DNAJC12: variants seen among roughly 807,000 people sequenced by gnomAD.
DNAJC12 encodes the protein dnaJ homolog subfamily C member 12.
Under a neutral mutation model 28.5 loss-of-function variants are expected in DNAJC12, and 25 were observed. The observed-to-expected ratio is 0.88, with a 90% CI of 0.64 to 1.22. The LOEUF is 1.22. Among genes scored for constraint, DNAJC12 ranks in the 50% most tolerant of loss-of-function variants. The probability of loss-of-function intolerance (pLI) is 0.00; values close to 1 mark genes in which losing one functional copy is unlikely to be tolerated. For missense variants in DNAJC12, 222 were observed against 231.7 expected, an observed-to-expected ratio of 0.96 and a Z score of 0.27; for synonymous variants, 77 against 80.6, an observed-to-expected ratio of 0.95 and a Z score of 0.24.
chr10:67,823,231 G>T, intron 2 of DNAJC12, 83 bp downstream of exon 2: 2 of 1,141,614 alleles, frequency 1.8e-6, no homozygotes, highest in South Asian at 1.3e-5. Context: ...AGAGAAAATT[G>T]AGAAAATTAA....
intron 4 of DNAJC12, among the ~76,000 whole-genome samples, chr10:67,798,843 A>G (rs527522951): frequency 2.8e-4 from 41 of 145,358 alleles, no homozygotes; most frequent in Middle Eastern, 3.6e-3. Flanking sequence ...TCAGCTCACC[A>G]CAACCTCCGC....
chr10:67,822,168 A>G lies in DNAJC12; in HGVS notation c.157+1146T>C, dbSNP rs750637342. On this transcript the variant is annotated intron_variant, in intron 2 of 4. Transcript: ENST00000225171. ...TCAGGAGAAAATGGGGAGTGGGCTC[A>G]GAAGAGAGCTTAGGAGGGAACCTTG... is the stretch of plus-strand genomic sequence containing the variant. Among the ~76,000 whole-genome samples, 244 of 152,304 alleles carry G rather than the reference A, an allele frequency of 1.6e-3. 1 individual carries two copies. The highest frequency in any genetic ancestry group is 1.4e-3 in the Non-Finnish European group (98 of 68,022).
chr10:67,816,049 G>A, intron 2 of DNAJC12: 1 of 398,426 alleles, frequency 2.5e-6, no homozygotes, highest in Non-Finnish European at 4.4e-6. Flanking sequence ...CCAGTTCTGG[G>A]AAGAGAGATC....
chr10:67,822,173 A>G (rs1841987550), intron 2 of DNAJC12, among the ~76,000 whole-genome samples: 1 of 152,154 alleles, frequency 6.6e-6, no homozygotes, highest in Admixed American at 6.6e-5. Flanking sequence ...GGCTCAGAAG[A>G]GAGCTTAGGA....
chr10:67,814,388 G>C (rs1841893135), intron 2 of DNAJC12, among the ~76,000 whole-genome samples: 1 of 151,760 alleles, frequency 6.6e-6, no homozygotes, highest in Non-Finnish European at 1.5e-5. Context: ...CAAATGTAAG[G>C]GTTAAAACCA....
chr10:67,808,614 C>CAT (rs1273055209), intron 3 of DNAJC12: 1 of 152,076 alleles, frequency 6.6e-6, no homozygotes. Context: ...AAAACACACA[C>CAT]ACACACACAC....
rs999621004 is a variant in DNAJC12, at chr10:67,796,903, T to A, written c.*213A>T. Reference sequence around the variant, plus strand: ...CAATCTACTCTGTATCTAAGAGCTTTAATTTATTCAAATATTGGAAGAAAT... The same window carrying A: ...CAATCTACTCTGTATCTAAGAGCTTAAATTTATTCAAATATTGGAAGAAAT... On this transcript the variant is annotated 3_prime_UTR_variant, in exon 5 of 5. Transcript: ENST00000225171. 2.2e-6 allele frequency: 1 copy of A among 460,038 alleles called. No homozygotes were observed. The highest frequency in any genetic ancestry group is 2.0e-5 in the African/African-American group (1 of 50,536). The allele number at this position is 460,038 out of a possible 1,614,324, so 28.5% of individuals were successfully genotyped here.
intron 2 of DNAJC12, among the ~76,000 whole-genome samples, chr10:67,822,990 C>CA (rs879373111): frequency 1.6e-3 from 210 of 129,958 alleles, no homozygotes; most frequent in Middle Eastern, 3.8e-3. Context: ...GACTCTGTCT[C>CA]AAAAAAAAAA....
intron 2 of DNAJC12, among the ~76,000 whole-genome samples, chr10:67,820,187 A>G (rs1328484373): frequency 6.6e-6 from 1 of 152,202 alleles, no homozygotes; most frequent in Non-Finnish European, 1.5e-5. Context: ...GAATGAACTA[A>G]TGTAATTCTG....
Position 67,822,754 on chromosome 10 carries a change from G to A in DNAJC12, c.157+560C>T, listed in dbSNP as rs142176566. On this transcript the variant is annotated intron_variant, in intron 2 of 4. Transcript: ENST00000225171. ...CCTATAATCCCAGCACTGGGAGGCC[G>A]AGGTGGGGGATCACTTGGAGGTCAG... Among the ~76,000 whole-genome samples the A allele has an allele frequency of 2.4e-3, 371 of 152,186 alleles. 1 individual carries two copies. Among genetic ancestry groups the A allele is most frequent in the African/African-American group, 8.5e-3 (354 of 41,524 alleles).
At chr10:67,819,071 C>T (rs1281428491) in intron 2 of DNAJC12, among the ~76,000 whole-genome samples, 2 of 152,168 alleles carry the variant, frequency 1.3e-5, no homozygotes, top group Admixed American at 1.3e-4. Flanking sequence ...CGGTGGCTCA[C>T]GCCTGTAATC....
chr10:67,811,371 T>C lies in DNAJC12; in HGVS notation c.297+153A>G, dbSNP rs1841856171. 5.4e-6 allele frequency: 8 copies of C among 1,487,004 alleles called. No homozygotes were observed. The South Asian group carries it at 1.0e-4, about 19-fold the overall frequency. 92.1% of individuals were successfully genotyped at this position (1,487,004 alleles called of 1,614,324 possible). On this transcript the variant is annotated intron_variant, in intron 3 of 4. Coordinates refer to ENST00000225171, the MANE Select transcript of DNAJC12 (RefSeq NM_021800.3). ...CTTTATTCTGATGAGCTTCTCTTCA[T>C]GGGATTTACGGACACTGAATTATAT...
chr10:67,829,161 A>C (rs1301436117), intron 1 of DNAJC12, among the ~76,000 whole-genome samples: 1 of 152,142 alleles, frequency 6.6e-6, no homozygotes, highest in African/African-American at 2.4e-5. Context: ...GTATGCCTAC[A>C]GCTGCAGAAA....
At chr10:67,806,331 G>A (rs1841800291) in intron 3 of DNAJC12, among the ~76,000 whole-genome samples, 1 of 152,136 alleles carries the variant, frequency 6.6e-6, no homozygotes, top group Non-Finnish European at 1.5e-5. Context: ...AAATATTCTA[G>A]CTCTCTGCCC....
intron 4 of DNAJC12, among the ~76,000 whole-genome samples, chr10:67,801,249 T>C (rs1245606572): frequency 2.6e-5 from 4 of 152,132 alleles, no homozygotes. Flanking sequence ...AAAAGTAATA[T>C]ATAAGAAGCC....
At chr10:67,807,282 A>G (rs1399699430) in intron 3 of DNAJC12, among the ~76,000 whole-genome samples, 1 of 152,106 alleles carries the variant, frequency 6.6e-6, no homozygotes, top group Non-Finnish European at 1.5e-5. Context: ...GAAAATATTC[A>G]ATTTTAAAAA....
intron 2 of DNAJC12, among the ~76,000 whole-genome samples, chr10:67,822,494 C>CA (rs199519610): frequency 0.01 from 1,537 of 152,046 alleles, 28 homozygotes; most frequent in African/African-American, 0.035. Flanking sequence ...ACTTCCTTTT[C>CA]GGGAAGTCTG....
At chr10:67,797,259 G>C in intron 4 of DNAJC12, 49 bp from the exon 5 acceptor site, 1 of 1,509,208 alleles carries the variant, frequency 6.6e-7, no homozygotes, top group Non-Finnish European at 9.1e-7. Flanking sequence ...AGGAAAAGTC[G>C]ATCTTGTTAT....
intron 3 of DNAJC12, among the ~76,000 whole-genome samples, chr10:67,807,475 C>A (rs115594797): frequency 0.023 from 3,439 of 151,882 alleles, 137 homozygotes; most frequent in African/African-American, 0.079. Flanking sequence ...TTAAAAGAGG[C>A]AATGCCTCAG....
Sources: allele counts gnomAD v4.1 joint callset (sites outside exome capture counted in the v4.1 genomes callset), GRCh38; gene constraint gnomAD v4.1.1; transcripts MANE v1.5; gene names NCBI Gene and HGNC (gene_info 2026-07-23, HGNC 2026-07-21).